Variants in MNAT1 observed in about 807,000 individuals in gnomAD.
The protein encoded by MNAT1 is CDK-activating kinase assembly factor MAT1.
Under a neutral mutation model 42.0 loss-of-function variants are expected in MNAT1, and 43 were observed. The observed-to-expected ratio is 1.02, with a 90% CI of 0.80 to 1.32. The LOEUF is 1.32. Ranked by LOEUF, MNAT1 falls within the 40% of genes most tolerant of loss-of-function variation. MNAT1 has a pLI of 0.00. For synonymous variants in MNAT1, 118 were observed against 120.0 expected (o/e 0.98, Z 0.11); for missense variants, 306 against 350.4 (o/e 0.87, Z 1.01).
chr14:60,866,047 C>T lies in MNAT1; in HGVS notation c.688-13667C>T, dbSNP rs181828587. 3.3e-5 allele frequency among the ~76,000 whole-genome samples: 5 copies of T among 152,162 alleles called. 1 individual carries two copies. The highest frequency in any genetic ancestry group is 3.9e-4 in the East Asian group (2 of 5,188). ...CTTGTCATATTCAGTAGAATCATAT[C>T]GTACATGCATTTAATTTGCTTGAAT... On this transcript the variant is annotated intron_variant, in intron 6 of 7. Coordinates refer to ENST00000261245, the MANE Select transcript of MNAT1 (RefSeq NM_002431.4).
At chr14:60,844,176 A>G (rs2033623245) in intron 6 of MNAT1, among the ~76,000 whole-genome samples, 1 of 152,174 alleles carries the variant, frequency 6.6e-6, no homozygotes. Context: ...TTAAGGTAGT[A>G]TAAGTGTTCC....
Position 60,942,003 on chromosome 14 carries a change from CAAAAAAAAAAA to C in MNAT1, c.810-26207_810-26197del, listed in dbSNP as rs3080602. On this transcript the variant is annotated intron_variant, in intron 7 of 7. Transcript: ENST00000261245. The stretch of plus-strand genomic sequence containing the variant: ...TGGGCGACAGAATGAGGCTCCATCT[CAAAAAAAAAAA>C]AAAAAAAAAAAAAAAAAAGTCAATA... Among the ~76,000 whole-genome samples the C allele has an allele frequency of 9.0e-4, 27 of 29,944 alleles. No individual in the cohort carries two copies. The South Asian group carries it at 0.013, about 14-fold the overall frequency. The allele number at this position is 29,944 out of a possible 152,430, so 19.6% of individuals were successfully genotyped here. A position where few individuals can be genotyped will look rare whatever the true frequency, so the allele number is the denominator to read the frequency against.
At chr14:60,873,905 A>G (rs890119043) in intron 6 of MNAT1, among the ~76,000 whole-genome samples, 7 of 152,240 alleles carry the variant, frequency 4.6e-5, no homozygotes, top group East Asian at 1.9e-4. Context: ...ACTTAAACTG[A>G]TGTTTACTTA....
chr14:60,766,517 T>A (rs2030829056), intron 1 of MNAT1, among the ~76,000 whole-genome samples: 1 of 151,908 alleles, frequency 6.6e-6, no homozygotes, highest in Non-Finnish European at 1.5e-5. Context: ...ATCGAGACCA[T>A]CCTGGCCAAC....
intron 7 of MNAT1, among the ~76,000 whole-genome samples, chr14:60,943,030 GTGTGTGTGTGT>G: frequency 7.6e-6 from 1 of 131,034 alleles, no homozygotes; most frequent in African/African-American, 2.9e-5. Flanking sequence ...GTGTGTGTGT[GTGTGTGTGTGT>G]GTGTGTGTGC....
At chr14:60,956,753 C>A (rs1301905978) in intron 7 of MNAT1, among the ~76,000 whole-genome samples, 1 of 151,966 alleles carries the variant, frequency 6.6e-6, no homozygotes, top group Non-Finnish European at 1.5e-5. Context: ...TATCTAGTGA[C>A]CTTCTTTGTT....
chr14:60,771,990 T>C (rs1374823408), intron 1 of MNAT1, among the ~76,000 whole-genome samples: 1 of 152,248 alleles, frequency 6.6e-6, no homozygotes, highest in African/African-American at 2.4e-5. Context: ...AGAGCAATTT[T>C]ATGCTTGCTT....
chr14:60,784,546 T>A (rs937339352), intron 1 of MNAT1, among the ~76,000 whole-genome samples: 1 of 151,760 alleles, frequency 6.6e-6, no homozygotes, highest in African/African-American at 2.4e-5. Flanking sequence ...AGTGGTGTGA[T>A]CTCAGCTCAC....
intron 6 of MNAT1, 108 bp downstream of exon 6, chr14:60,818,955 AGTGTCTGATCTAGTTTTAG>A: frequency 7.8e-7 from 1 of 1,280,958 alleles, no homozygotes; most frequent in Non-Finnish European, 1.1e-6. Context: ...GTTTAAGAAC[AGTGTCTGATCTAGTTTTAG>A]GTGTCTGGAA....
chr14:60,943,234 A>G (rs76523491), intron 7 of MNAT1, among the ~76,000 whole-genome samples: 2 of 152,020 alleles, frequency 1.3e-5, no homozygotes, highest in African/African-American at 4.8e-5. Flanking sequence ...TTTAACTTCT[A>G]TAGATCTGAG....
At chr14:60,840,825 G>A (rs761337638) in intron 6 of MNAT1, among the ~76,000 whole-genome samples, 2 of 151,946 alleles carry the variant, frequency 1.3e-5, no homozygotes, top group Non-Finnish European at 2.9e-5. Flanking sequence ...CACCATACCC[G>A]GCTAATTCTT....
At chr14:60,747,702 C>G (rs899853936) in intron 1 of MNAT1, among the ~76,000 whole-genome samples, 13 of 152,106 alleles carry the variant, frequency 8.5e-5, no homozygotes, top group Non-Finnish European at 1.3e-4. Context: ...TACACTTAGG[C>G]TACACTAAAT....
chr14:60,954,300 GT>G (rs1404913947), intron 7 of MNAT1, among the ~76,000 whole-genome samples: 1 of 152,104 alleles, frequency 6.6e-6, no homozygotes, highest in African/African-American at 2.4e-5. Flanking sequence ...CATTGAATCT[GT>G]TGATCACTTT....
chr14:60,815,514 C>T (rs960795383), intron 5 of MNAT1, among the ~76,000 whole-genome samples: 2 of 152,132 alleles, frequency 1.3e-5, no homozygotes, highest in African/African-American at 2.4e-5. Flanking sequence ...CGCGCCCAGC[C>T]GCATATTCTT....
At chr14:60,921,719 A>G (rs1463238290) in intron 7 of MNAT1, among the ~76,000 whole-genome samples, 2 of 152,196 alleles carry the variant, frequency 1.3e-5, no homozygotes, top group African/African-American at 4.8e-5. Flanking sequence ...AGTAGTCATT[A>G]TTCTGACGTG....
chr14:60,905,562 C>G (rs573417423), intron 7 of MNAT1, among the ~76,000 whole-genome samples: 4 of 152,114 alleles, frequency 2.6e-5, no homozygotes, highest in Admixed American at 6.6e-5. Flanking sequence ...GTATAACTCA[C>G]GCTGAATCCA....
At chr14:60,778,731 G>A (rs1042099959) in intron 1 of MNAT1, among the ~76,000 whole-genome samples, 5 of 152,190 alleles carry the variant, frequency 3.3e-5, no homozygotes, top group African/African-American at 1.2e-4. Context: ...TGATAGAACA[G>A]TTGTAATGGG....
At chr14:60,879,984 AT>A in intron 7 of MNAT1, 149 bp downstream of exon 7, 1 of 690,446 alleles carries the variant, frequency 1.4e-6, no homozygotes, top group Non-Finnish European at 2.1e-6. Context: ...AAATTGTTTT[AT>A]TTAGTACATT....
At chr14:60,773,223 C>T (rs561725785) in intron 1 of MNAT1, among the ~76,000 whole-genome samples, 1 of 152,240 alleles carries the variant, frequency 6.6e-6, no homozygotes, top group Admixed American at 6.5e-5. Context: ...AGGCGTGAGC[C>T]ACCACGCCTG....
Sources: allele counts gnomAD v4.1 joint callset (sites outside exome capture counted in the v4.1 genomes callset), GRCh38; gene constraint gnomAD v4.1.1; transcripts MANE v1.5; gene names NCBI Gene and HGNC (gene_info 2026-07-23, HGNC 2026-07-21).